The following RUFY2 variants were observed in gnomAD, a reference collection of about 807,000 sequenced individuals.
The protein encoded by RUFY2 is RUN and FYVE domain-containing protein 2.
Under a neutral mutation model 94.4 loss-of-function variants are expected in RUFY2, and 49 were observed. That is an observed-to-expected ratio of 0.52 (90% CI 0.41 to 0.66). The LOEUF is 0.66. Among genes scored for constraint, RUFY2 ranks in the 30% least tolerant of loss-of-function variants. RUFY2 has a pLI of 0.00. For synonymous variants in RUFY2, 255 were observed against 235.7 expected (o/e 1.08, Z -0.75); for missense variants, 541 against 692.8 (o/e 0.78, Z 2.46).
Position 68,379,462 on chromosome 10 carries a change from G to C in RUFY2, c.1167C>G (p.Thr389=), listed in dbSNP as rs549518406. The C allele has an allele frequency of 1.3e-5, 21 of 1,612,180 alleles. No homozygotes were observed. The East Asian group carries it at 3.4e-4, about 26-fold the overall frequency. ...NEIIARLEEK[T]NKITAAMRQL... is the part of the protein sequence containing the mutation. Reference sequence around the variant, plus strand: ...GCCTCATGGCTGCAGTAATTTTATTGGTTTTTTCTTCTAGTCGGGCAATTA... The same window carrying C: ...GCCTCATGGCTGCAGTAATTTTATTCGTTTTTTCTTCTAGTCGGGCAATTA... Residue 389 remains threonine, a synonymous_variant, in exon 12 of 18, where the codon ACC becomes ACG. Coordinates refer to ENST00000602465, the MANE Select transcript of RUFY2 (RefSeq NM_001330103.2).
intron 12 of RUFY2, chr10:68,378,684 T>G: frequency 6.3e-7 from 1 of 1,591,256 alleles, no homozygotes; most frequent in South Asian, 1.1e-5. Flanking sequence ...CATAATGGAA[T>G]GGAAAGAAAT....
Position 68,380,247 on chromosome 10 carries a change from T to A in RUFY2, c.1108-726A>T, listed in dbSNP as rs186826850. Among the ~76,000 whole-genome samples the A allele has an allele frequency of 4.7e-3, 721 of 152,058 alleles. 32 individuals carry two copies. The highest frequency in any genetic ancestry group is 0.041 in the Admixed American group (629 of 15,252). The stretch of plus-strand genomic sequence containing the variant: ...AGCCATGGCACCTGGCCTCTATTAG[T>A]CCTCATTTAAAATGTAATAGGCCGG... On this transcript the variant is annotated intron_variant, in intron 11 of 17. Coordinates refer to ENST00000602465, the MANE Select transcript of RUFY2 (RefSeq NM_001330103.2).
chr10:68,386,164 A>G (rs1308206317), intron 7 of RUFY2, 36 bp from the exon 8 acceptor site: 1 of 1,566,434 alleles, frequency 6.4e-7, no homozygotes, highest in Non-Finnish European at 8.7e-7. Flanking sequence ...ATTCAAAATC[A>G]CACGAACTCA....
chr10:68,406,912 C>T (rs1410630773), intron 1 of RUFY2: 1 of 1,571,096 alleles, frequency 6.4e-7, no homozygotes, highest in Non-Finnish European at 8.6e-7. Context: ...CTGCCTGGCC[C>T]TGTCCTCGCT....
rs2048590836 is a variant in RUFY2 at position 68,375,762 on chromosome 10, C to T, written c.1325+1091G>A. ...CTGCACTCCAGCCCAGGCGATAGAG[C>T]GAGACTCCATCTCAAAAAAAAAAAA... is the stretch of plus-strand genomic sequence containing the variant. On this transcript the variant is annotated intron_variant, in intron 13 of 17. Coordinates refer to ENST00000602465, the MANE Select transcript of RUFY2 (RefSeq NM_001330103.2). Among the ~76,000 whole-genome samples, 8 of 146,506 alleles carry T rather than the reference C, an allele frequency of 5.5e-5. 1 individual carries two copies. In the South Asian group the frequency reaches 1.8e-3, roughly 33 times the overall value.
chr10:68,379,567 GTGTT>G lies in RUFY2; in HGVS notation c.1108-50_1108-47del, dbSNP rs760917004. 5.2e-6 allele frequency: 7 copies of G among 1,345,276 alleles called. No homozygotes were observed. In the East Asian group the frequency reaches 1.4e-4, roughly 27 times the overall value. The allele number at this position is 1,345,276 out of a possible 1,614,324, so 83.3% of individuals were successfully genotyped here. A position where few individuals can be genotyped will look rare whatever the true frequency, so the allele number is the denominator to read the frequency against. On this transcript the variant is annotated intron_variant, in intron 11 of 17. Transcript: ENST00000602465. ...TATGGTGGTTTTGATTTGTGTGTGT[GTGTT>G]TGTGTGTGTGTGTGTGTGCGTGTTT...
In RUFY2 at chr10:68,381,253, T is replaced by C. The variant is rs752389551; in HGVS notation, c.1086A>G (p.Ile362Met). The part of the protein sequence containing the change: ...QQLEEVKAIN[I>M]EMYQKLQGSE... ...TTACCTGCAACTTTTGATACATCTC[T>C]ATGTTAATTGCTTTAACTTCCTCTA... Residue 362 changes from isoleucine (I) to methionine (M), a missense_variant, in exon 11 of 18, where the codon ATA becomes ATG. Ile to Met is a conservative substitution (Grantham distance 10). Coordinates refer to ENST00000602465, the MANE Select transcript of RUFY2 (RefSeq NM_001330103.2). The C allele has an allele frequency of 2.5e-6, 4 of 1,611,996 alleles. No homozygotes were observed. Among genetic ancestry groups the C allele is most frequent in the Non-Finnish European group, 3.4e-6 (4 of 1,179,222 alleles).
rs2046099902 is a variant in RUFY2, at chr10:68,343,607, G to A, written c.*2161C>T. On this transcript the variant is annotated 3_prime_UTR_variant, in exon 18 of 18. Coordinates refer to ENST00000602465, the MANE Select transcript of RUFY2 (RefSeq NM_001330103.2). ...GAAGAATTACAATTGTAATTCCCTGGCACCATGATAGCATTATTGTGGTAG... is the reference window on the plus strand; with the variant it reads ...GAAGAATTACAATTGTAATTCCCTGACACCATGATAGCATTATTGTGGTAG... 1 of 152,254 alleles carries A rather than the reference G, an allele frequency of 6.6e-6. No individual in the cohort carries two copies. Among genetic ancestry groups the A allele is most frequent in the African/African-American group, 2.4e-5 (1 of 41,348 alleles). The allele number at this position is 152,254 out of a possible 1,614,324, so 9.4% of individuals were successfully genotyped here.
intron 15 of RUFY2, among the ~76,000 whole-genome samples, chr10:68,358,202 A>G (rs1052730955): frequency 2.6e-5 from 4 of 152,114 alleles, no homozygotes; most frequent in African/African-American, 9.7e-5. Context: ...AAAACAAACA[A>G]ACAAACAAAC....
At chr10:68,377,501 A>G (rs138955819) in intron 12 of RUFY2, 1 of 987,802 alleles carries the variant, frequency 1.0e-6, no homozygotes, top group African/African-American at 1.8e-5. Context: ...TTACTAAATT[A>G]TGCCGAAGCT....
At chr10:68,388,323 C>A (rs2049683260) in intron 7 of RUFY2, among the ~76,000 whole-genome samples, 1 of 151,728 alleles carries the variant, frequency 6.6e-6, no homozygotes, top group East Asian at 2.0e-4. Context: ...ATTAGCCCAG[C>A]GTGGTGTTAC....
chr10:68,342,456 A>C (rs1341017413), downstream of RUFY2: 1 of 157,690 alleles, frequency 6.3e-6, no homozygotes, highest in Admixed American at 6.3e-5. Context: ...AGCTTGACAA[A>C]TAATTAGTGT....
chr10:68,379,245 A>G (rs2048864161), intron 12 of RUFY2, 179 bp downstream of exon 12: 1 of 527,464 alleles, frequency 1.9e-6, no homozygotes, highest in Non-Finnish European at 3.4e-6. Context: ...TCAGCGTAAT[A>G]TAAAGCAACT....
chr10:68,390,119 C>A (rs1334153189), intron 7 of RUFY2, among the ~76,000 whole-genome samples: 1 of 152,088 alleles, frequency 6.6e-6, no homozygotes, highest in Non-Finnish European at 1.5e-5. Flanking sequence ...CACAAGCTTG[C>A]ATTTAGAAAT....
chr10:68,341,390 G>C (rs957893397), downstream of RUFY2: 1 of 1,431,224 alleles, frequency 7.0e-7, no homozygotes, highest in Admixed American at 2.2e-5. Context: ...TGTAGGTAAC[G>C]CTTGGCAGTT....
At chr10:68,357,061 G>A (rs947667846) in intron 15 of RUFY2, among the ~76,000 whole-genome samples, 4 of 151,684 alleles carry the variant, frequency 2.6e-5, no homozygotes, top group African/African-American at 9.7e-5. Flanking sequence ...CAGCTACTCA[G>A]GAGGCTGAGG....
At chr10:68,352,875 G>A (rs1399438394) in intron 16 of RUFY2, among the ~76,000 whole-genome samples, 2 of 151,496 alleles carry the variant, frequency 1.3e-5, no homozygotes, top group African/African-American at 2.4e-5. Context: ...AGTCAAGATC[G>A]TGCCACTACA....
chr10:68,376,489 T>TATATATATATATATATATATATATC (rs58358117), intron 13 of RUFY2, among the ~76,000 whole-genome samples: 1 of 51,816 alleles, frequency 1.9e-5, no homozygotes, highest in Non-Finnish European at 4.0e-5. Context: ...TATATATATA[T>TATATATATATATATATATATATATC]ATTCTCAGAA....
At position 68,376,446 on chromosome 10, in the gene RUFY2, A is replaced by G. The variant is rs1477960903; in HGVS notation, c.1325+407T>C. Among the ~76,000 whole-genome samples, 39 of 6,532 alleles carry G rather than the reference A, an allele frequency of 6.0e-3. 1 individual carries two copies. Among genetic ancestry groups the G allele is most frequent in the African/African-American group, 0.017 (27 of 1,562 alleles). The allele number at this position is 6,532 out of a possible 152,430, so 4.3% of individuals were successfully genotyped here. A position where few individuals can be genotyped will look rare whatever the true frequency, so the allele number is the denominator to read the frequency against. ...CTTCATCTCAAAAAAATGTGTGTAT[A>G]TATATATATATATATATATATATAT... On this transcript the variant is annotated intron_variant, in intron 13 of 17. Transcript: ENST00000602465.
Sources: allele counts gnomAD v4.1 joint callset (sites outside exome capture counted in the v4.1 genomes callset), GRCh38; gene constraint gnomAD v4.1.1; transcripts MANE v1.5; gene names NCBI Gene and HGNC (gene_info 2026-07-23, HGNC 2026-07-21).